The following VIPR2 variants were observed in gnomAD, a reference collection of about 807,000 sequenced individuals.
The protein encoded by VIPR2 is vasoactive intestinal polypeptide receptor 2.
Under a neutral mutation model 58.0 loss-of-function variants are expected in VIPR2, and 48 were observed. That is an observed-to-expected ratio of 0.83 (90% CI 0.66 to 1.05). VIPR2 has a LOEUF of 1.05. Ranked by LOEUF, VIPR2 falls within the 50% of genes least tolerant of loss-of-function variation. The pLI, the probability that VIPR2 is intolerant of heterozygous loss-of-function variation, is 0.00. For missense variants in VIPR2, 534 were observed against 558.0 expected (o/e 0.96, Z 0.43); for synonymous variants, 243 against 235.2 (o/e 1.03, Z -0.30).
chr7:159,119,343 G>A (rs1796364978), intron 2 of VIPR2, among the ~76,000 whole-genome samples: 1 of 152,174 alleles, frequency 6.6e-6, no homozygotes, highest in African/African-American at 2.4e-5. Flanking sequence ...CACAAGCACC[G>A]CAAGGTAGAG....
rs372178521 is a variant in VIPR2 at position 159,043,100 on chromosome 7, C to G, written c.532G>C (p.Val178Leu). ...SFILRAISVL[V>L]KDDVLYSSSG... ...CTGGAGTAGAGAACGTCGTCCTTGA[C>G]CAGCACTGAGATGGCTCTCAGGATG... Residue 178 changes from valine to leucine, a missense_variant, in exon 6 of 13, where the codon GTC becomes CTC. By Grantham distance (32) the Val-to-Leu change is conservative. Coordinates refer to ENST00000262178, the MANE Select transcript of VIPR2 (RefSeq NM_003382.5). The G allele has an allele frequency of 3.7e-5, 59 of 1,613,962 alleles. No homozygotes were observed. The highest frequency in any genetic ancestry group is 4.9e-5 in the Non-Finnish European group (58 of 1,180,040).
At position 159,142,540 on chromosome 7, in the gene VIPR2, G is replaced by A. The variant is rs755789597; in HGVS notation, c.57C>T (p.Asn19=). Residue 19 remains asparagine, a synonymous_variant, in exon 2 of 13, where the codon AAC becomes AAT. Transcript: ENST00000262178. ...GAAATCGGCATTCTGGGTGAATGCTGTTCACCTGTTCACGGTTAAAAGAAA... is the reference window on the plus strand; with the variant it reads ...GAAATCGGCATTCTGGGTGAATGCTATTCACCTGTTCACGGTTAAAAGAAA... The part of the protein sequence containing the change: ...LLTCWLLAPV[N]SIHPECRFHL... The A allele has an allele frequency of 1.2e-6, 2 of 1,607,002 alleles. No individual in the cohort carries two copies. Among genetic ancestry groups the A allele is most frequent in the Non-Finnish European group, 8.5e-7 (1 of 1,174,920 alleles).
rs1480552992 is a variant in VIPR2 at position 159,095,333 on chromosome 7, G to C, written c.357+8424C>G. ...GCGTGTGTGCAAGTGACTGTGTGCT[G>C]CACACACCCAGTGTGAGGGCCGGGC... On this transcript the variant is annotated intron_variant, in intron 4 of 12. Transcript: ENST00000262178. The surrounding 1 kb of genome is among the most constrained non-coding windows in gnomAD (Gnocchi z 5.2). Among the ~76,000 whole-genome samples the C allele has an allele frequency of 6.6e-6, 1 of 152,194 alleles. No homozygotes were observed. The highest frequency in any genetic ancestry group is 6.5e-5 in the Admixed American group (1 of 15,278).
At chr7:159,064,120 G>C (rs554677827) in intron 4 of VIPR2, among the ~76,000 whole-genome samples, 95 of 147,208 alleles carry the variant, frequency 6.5e-4, no homozygotes, top group Admixed American at 3.4e-3. Context: ...ATTCTGGATG[G>C]GGAAGCCGCG....
intron 3 of VIPR2, among the ~76,000 whole-genome samples, chr7:159,109,260 T>A (rs1795894201): frequency 1.3e-5 from 2 of 152,204 alleles, no homozygotes; most frequent in Non-Finnish European, 2.9e-5. Context: ...CAGCACCGCA[T>A]ACGGAGCATG....
At chr7:159,125,424 T>C (rs116351037) in intron 2 of VIPR2, among the ~76,000 whole-genome samples, 1,954 of 152,254 alleles carry the variant, frequency 0.013, 31 homozygotes, top group African/African-American at 0.03. Context: ...GGTTCCTTCC[T>C]CACTTTAGAC....
rs954555617 is a variant in VIPR2, at chr7:159,097,751, T to C, written c.357+6006A>G. ...GAAGCTGAGCAGCAATTGTAGCCAGTTGGGACACACAGACCAAGATTTCTG... is the reference window on the plus strand; with the variant it reads ...GAAGCTGAGCAGCAATTGTAGCCAGCTGGGACACACAGACCAAGATTTCTG... On this transcript the variant is annotated intron_variant, in intron 4 of 12. Transcript: ENST00000262178. This position sits in a 1 kb window ranked among gnomAD's most constrained non-coding sequence, Gnocchi z 5.3. Among the ~76,000 whole-genome samples the C allele has an allele frequency of 2.0e-5, 3 of 152,176 alleles. No homozygotes were observed. Among genetic ancestry groups the C allele is most frequent in the African/African-American group, 7.2e-5 (3 of 41,448 alleles).
At chr7:159,108,571 T>C (rs1795863712) in intron 3 of VIPR2, among the ~76,000 whole-genome samples, 1 of 152,180 alleles carries the variant, frequency 6.6e-6, no homozygotes, top group Non-Finnish European at 1.5e-5. Context: ...GGAGTTTTCA[T>C]TCTCACAGGC....
At chr7:159,053,787 A>G (rs1219625278) in intron 5 of VIPR2, among the ~76,000 whole-genome samples, 1 of 152,192 alleles carries the variant, frequency 6.6e-6, no homozygotes, top group Non-Finnish European at 1.5e-5. Flanking sequence ...AGCACAAGCA[A>G]TCATTCTGTC....
chr7:159,135,174 G>A (rs948068060), intron 2 of VIPR2, among the ~76,000 whole-genome samples: 2 of 152,044 alleles, frequency 1.3e-5, no homozygotes, highest in East Asian at 1.9e-4. Flanking sequence ...AGGGGCTCGC[G>A]CCTGTAATCT....
At chr7:159,074,125 A>G (rs1856534507) in intron 4 of VIPR2, among the ~76,000 whole-genome samples, 1 of 152,250 alleles carries the variant, frequency 6.6e-6, no homozygotes, top group Admixed American at 6.5e-5. Flanking sequence ...ATGTAAGTCC[A>G]TACTCAGAAA....
chr7:159,141,086 GACT>G (rs1177157660), intron 2 of VIPR2, among the ~76,000 whole-genome samples: 3 of 152,224 alleles, frequency 2.0e-5, no homozygotes, highest in African/African-American at 7.2e-5. Context: ...CTCTCCTCAG[GACT>G]ACCTTTCCTA....
At chr7:159,038,041 T>TA (rs1271709131) in intron 6 of VIPR2, among the ~76,000 whole-genome samples, 1 of 152,160 alleles carries the variant, frequency 6.6e-6, no homozygotes, top group Non-Finnish European at 1.5e-5. Context: ...TACGGGTGAA[T>TA]ATACTTTTTT....
intron 8 of VIPR2, among the ~76,000 whole-genome samples, chr7:159,035,287 A>T (rs550001410): frequency 3.8e-4 from 58 of 152,276 alleles, no homozygotes; most frequent in African/African-American, 1.3e-3. Context: ...GCAGTCTCAG[A>T]CTGGCTGAAG....
chr7:159,054,516 T>C (rs1855188871), intron 5 of VIPR2, among the ~76,000 whole-genome samples: 1 of 152,222 alleles, frequency 6.6e-6, no homozygotes, highest in African/African-American at 2.4e-5. Flanking sequence ...AGCAAACTCA[T>C]TTTGAAATGG....
chr7:159,040,644 C>A (rs1397459311), intron 6 of VIPR2, among the ~76,000 whole-genome samples: 1 of 152,168 alleles, frequency 6.6e-6, no homozygotes, highest in Non-Finnish European at 1.5e-5. Flanking sequence ...GGGGTGCTGC[C>A]CCAGGTGTTC....
At chr7:159,114,960 T>C (rs968557536) in intron 2 of VIPR2, among the ~76,000 whole-genome samples, 2 of 152,144 alleles carry the variant, frequency 1.3e-5, no homozygotes, top group Non-Finnish European at 2.9e-5. Flanking sequence ...TATTCAACAA[T>C]GTGTCATAAG....
At chr7:159,034,148 G>A (rs986280258) in intron 10 of VIPR2, 65 bp downstream of exon 10, 25 of 1,541,774 alleles carry the variant, frequency 1.6e-5, no homozygotes, top group Admixed American at 5.1e-5. Flanking sequence ...TCCTGGCAGC[G>A]TGGGGGTCTC....
intron 2 of VIPR2, among the ~76,000 whole-genome samples, chr7:159,110,649 A>T (rs1411016627): frequency 1.3e-5 from 2 of 151,992 alleles, no homozygotes; most frequent in Non-Finnish European, 2.9e-5. Flanking sequence ...TTTACCTTTT[A>T]CTTAAACCTC....
Sources: gnomAD v4.1 joint callset for allele counts (sites outside exome capture counted in the v4.1 genomes callset) on GRCh38, gnomAD v4.1.1 for gene constraint, Gnocchi (gnomAD v3.1) non-coding constraint, MANE v1.5 for transcripts, NCBI Gene and HGNC (gene_info 2026-07-23, HGNC 2026-07-21) for gene names.